DNAAF9: variants seen among roughly 807,000 people sequenced by gnomAD.
DNAAF9 encodes shulin.
In DNAAF9, 90 loss-of-function variants were observed where a neutral mutation model predicts 167.0. The observed-to-expected ratio is 0.54, with a 90% CI of 0.45 to 0.64. DNAAF9 has a LOEUF of 0.64. Ranked by LOEUF, DNAAF9 falls within the 30% of genes least tolerant of loss-of-function variation. The pLI, the probability that DNAAF9 is intolerant of heterozygous loss-of-function variation, is 0.00. For missense variants in DNAAF9, 1,315 were observed against 1,442.2 expected, an observed-to-expected ratio of 0.91 and a Z score of 1.43; for synonymous variants, 491 against 508.8, an observed-to-expected ratio of 0.96 and a Z score of 0.47.
intron 31 of DNAAF9, among the ~76,000 whole-genome samples, chr20:3,263,934 T>C (rs1357510689): frequency 1.3e-5 from 2 of 152,230 alleles, no homozygotes; most frequent in Non-Finnish European, 2.9e-5. Flanking sequence ...GGTATTAGTA[T>C]GATTACAGTA....
chr20:3,355,375 G>A (rs1447944195), intron 7 of DNAAF9, among the ~76,000 whole-genome samples: 1 of 152,162 alleles, frequency 6.6e-6, no homozygotes, highest in African/African-American at 2.4e-5. Flanking sequence ...AGGAGTTTGA[G>A]ACCAGCCTGG....
chr20:3,301,178 C>CTT lies in DNAAF9; in HGVS notation c.1783-3005_1783-3004dup, dbSNP rs11469332. 7.2e-5 allele frequency among the ~76,000 whole-genome samples: 9 copies of CTT among 125,154 alleles called. 1 individual carries two copies. Among genetic ancestry groups the CTT allele is most frequent in the Non-Finnish European group, 1.5e-4 (9 of 60,222 alleles). 82.1% of individuals were successfully genotyped at this position (125,154 alleles called of 152,430 possible). A position where few individuals can be genotyped will look rare whatever the true frequency, so the allele number is the denominator to read the frequency against. Reference sequence around the variant, plus strand: ...TTCAGGTATACACCATCATGCTTGGCTTTTTTTTTTTTTTTTTTCTTTTTT... The same window carrying CTT: ...TTCAGGTATACACCATCATGCTTGGCTTTTTTTTTTTTTTTTTTTTCTTTTTT... On this transcript the variant is annotated intron_variant, in intron 21 of 36. Coordinates refer to ENST00000252032, the MANE Select transcript of DNAAF9 (RefSeq NM_001009984.3).
rs1362730635 is a variant in DNAAF9 at position 3,357,640 on chromosome 20, T to A, written c.690+1876A>T. On this transcript the variant is annotated intron_variant, in intron 7 of 36. Coordinates refer to ENST00000252032, the MANE Select transcript of DNAAF9 (RefSeq NM_001009984.3). ...TCCTCACCCATCCAGCTTTATCTTT[T>A]ACTGTTCATTTCATTTTGTATTGTT... is the stretch of plus-strand genomic sequence containing the variant. Among the ~76,000 whole-genome samples, 3 of 152,188 alleles carry A rather than the reference T, an allele frequency of 2.0e-5. No individual in the cohort carries two copies. In the East Asian group the frequency reaches 5.8e-4, roughly 29 times the overall value.
At position 3,273,628 on chromosome 20, in the gene DNAAF9, ACAAGGACAGCAC is replaced by A. The variant is rs2068630480; in HGVS notation, c.2651-3078_2651-3067del. Among the ~76,000 whole-genome samples the A allele has an allele frequency of 5.9e-5, 9 of 152,182 alleles. No individual in the cohort carries two copies. In the South Asian group the frequency reaches 1.9e-3, roughly 32 times the overall value. The stretch of plus-strand genomic sequence containing the variant: ...CAAGAGTAAGAACTCACTCACTATC[ACAAGGACAGCAC>A]CAAGCCATTCATGAGGGATCTGCCC... On this transcript the variant is annotated intron_variant, in intron 29 of 36. Transcript: ENST00000252032.
intron 21 of DNAAF9, among the ~76,000 whole-genome samples, chr20:3,299,870 G>A (rs971472388): frequency 2.0e-5 from 3 of 152,126 alleles, no homozygotes; most frequent in Admixed American, 6.6e-5. Context: ...TCCCTTGAGA[G>A]TCTATAAATT....
rs2083332421 is a variant in DNAAF9, at chr20:3,359,560, A to C, written c.646T>G (p.Tyr216Asp). The C allele has an allele frequency of 6.2e-7, 1 of 1,612,814 alleles. No individual in the cohort carries two copies. Among genetic ancestry groups the C allele is most frequent in the Non-Finnish European group, 8.5e-7 (1 of 1,179,584 alleles). The change falls in exon 7 of 37, where the codon TAC becomes GAC. Residue 216 changes from tyrosine to aspartate, a missense_variant. Physicochemically the swap from Tyr to Asp is radical, Grantham distance 160. Transcript: ENST00000252032. ...AGAGACATAGGATCCATCTTGCTGTAGACATTCCATAGATTCAAACTCACA... is the reference window on the plus strand; with the variant it reads ...AGAGACATAGGATCCATCTTGCTGTCGACATTCCATAGATTCAAACTCACA... The part of the protein sequence containing the change: ...QDVSLNLWNV[Y>D]SKMDPMSLES...
At chr20:3,398,335 A>G (rs1393180470) in intron 1 of DNAAF9, among the ~76,000 whole-genome samples, 2 of 152,202 alleles carry the variant, frequency 1.3e-5, no homozygotes, top group Non-Finnish European at 2.9e-5. Context: ...CTATAAGTCT[A>G]TCTCCCCAAT....
chr20:3,291,835 C>T lies in DNAAF9; in HGVS notation c.2239-1618G>A, dbSNP rs575099474. ...GTTCCCTCTGACCAGGGCCTCTACA[C>T]CGTACCCCTTTCTACCCCTCAGGCA... On this transcript the variant is annotated intron_variant, in intron 25 of 36. Coordinates refer to ENST00000252032, the MANE Select transcript of DNAAF9 (RefSeq NM_001009984.3). 1.2e-4 allele frequency among the ~76,000 whole-genome samples: 19 copies of T among 152,240 alleles called. No individual in the cohort carries two copies. In the East Asian group the frequency reaches 1.9e-3, roughly 15 times the overall value.
intron 15 of DNAAF9, 31 bp downstream of exon 15, chr20:3,322,621 A>C: frequency 6.4e-7 from 1 of 1,563,370 alleles, no homozygotes; most frequent in Non-Finnish European, 8.8e-7. Flanking sequence ...AACTTGCTCC[A>C]TGTAAGGATG....
intron 8 of DNAAF9, 136 bp downstream of exon 8, chr20:3,348,389 A>G (rs1332831336): frequency 8.8e-6 from 4 of 452,986 alleles, no homozygotes; most frequent in Non-Finnish European, 1.1e-5. Flanking sequence ...GAACTACTTT[A>G]TGGTATACAA....
At chr20:3,390,287 A>G (rs1040528114) in intron 1 of DNAAF9, among the ~76,000 whole-genome samples, 1 of 152,228 alleles carries the variant, frequency 6.6e-6, no homozygotes, top group Non-Finnish European at 1.5e-5. Context: ...AAGAAGAAAA[A>G]AGATAAACCA....
intron 6 of DNAAF9, among the ~76,000 whole-genome samples, chr20:3,365,385 AT>A (rs1011601822): frequency 4.6e-5 from 7 of 151,168 alleles, no homozygotes; most frequent in African/African-American, 1.5e-4. Flanking sequence ...TTATTTATTT[AT>A]TTATTTATTT....
chr20:3,340,433 T>TCCGGGGGGGGGGCCCCCCC, intron 10 of DNAAF9, 71 bp downstream of exon 10: 1 of 221,212 alleles, frequency 4.5e-6, no homozygotes, highest in East Asian at 1.2e-4. Context: ...TTTGTCTAGC[T>TCCGGGGGGGGGGCCCCCCC]CCCCCCACCC....
intron 12 of DNAAF9, among the ~76,000 whole-genome samples, chr20:3,326,557 C>T (rs939179948): frequency 1.3e-5 from 2 of 151,978 alleles, no homozygotes; most frequent in Non-Finnish European, 2.9e-5. Flanking sequence ...CATGACTTAA[C>T]CCCATCTCGA....
chr20:3,399,979 G>C (rs2083961566), intron 1 of DNAAF9, among the ~76,000 whole-genome samples: 1 of 152,154 alleles, frequency 6.6e-6, no homozygotes, highest in Non-Finnish European at 1.5e-5. Flanking sequence ...TTCATGAATT[G>C]GTATGCATAA....
At chr20:3,391,913 C>T (rs1397423226) in intron 1 of DNAAF9, among the ~76,000 whole-genome samples, 1 of 152,040 alleles carries the variant, frequency 6.6e-6, no homozygotes, top group African/African-American at 2.4e-5. Context: ...ATTCAAAGGG[C>T]GGGCACAGTG....
intron 32 of DNAAF9, 97 bp from the exon 33 acceptor site, chr20:3,259,651 TAC>T (rs2068345802): frequency 3.5e-6 from 3 of 848,400 alleles, no homozygotes; most frequent in Non-Finnish European, 6.1e-6. Context: ...GGAGGGACCA[TAC>T]ACCAGGGTCT....
intron 30 of DNAAF9, among the ~76,000 whole-genome samples, chr20:3,266,080 C>A (rs2068486167): frequency 6.6e-6 from 1 of 152,282 alleles, no homozygotes; most frequent in East Asian, 1.9e-4. Flanking sequence ...CATGTCAGAG[C>A]TTTTGTGTCC....
At chr20:3,323,236 C>T (rs1913847332) in intron 14 of DNAAF9, among the ~76,000 whole-genome samples, 2 of 148,448 alleles carry the variant, frequency 1.3e-5, no homozygotes, top group South Asian at 2.2e-4. Flanking sequence ...AAGAGATCTG[C>T]TAACCTGAAG....
Sources: allele counts gnomAD v4.1 joint callset (sites outside exome capture counted in the v4.1 genomes callset), GRCh38; gene constraint gnomAD v4.1.1; transcripts MANE v1.5; gene names NCBI Gene and HGNC (gene_info 2026-07-23, HGNC 2026-07-21).